The following SLC14A2 variants were observed in gnomAD, a reference collection of about 807,000 sequenced individuals.
SLC14A2 encodes the protein urea transporter 2.
Under a neutral mutation model 104.6 loss-of-function variants are expected in SLC14A2, and 91 were observed. The ratio of observed to expected loss-of-function variants is 0.87; its 90% CI spans 0.73 to 1.04. SLC14A2 has a LOEUF of 1.04. Ranked by LOEUF, SLC14A2 falls within the 50% of genes least tolerant of loss-of-function variation. SLC14A2 has a pLI of 0.00. For missense variants in SLC14A2, 1,189 were observed against 1,156.0 expected (o/e 1.03, Z -0.41); for synonymous variants, 476 against 466.4 (o/e 1.02, Z -0.27).
chr18:45,212,796 A>G (rs2083972764), upstream of SLC14A2, among the ~76,000 whole-genome samples: 1 of 152,078 alleles, frequency 6.6e-6, no homozygotes, highest in Non-Finnish European at 1.5e-5. Flanking sequence ...ACATACACTC[A>G]CTTTAGTCCG....
intron 1 of SLC14A2, among the ~76,000 whole-genome samples, chr18:45,351,526 G>A (rs1053956230): frequency 1.3e-5 from 2 of 151,958 alleles, no homozygotes; most frequent in Admixed American, 1.3e-4. Context: ...AGCTAATTTT[G>A]TTCATTTTTT....
intron 1 of SLC14A2, among the ~76,000 whole-genome samples, chr18:45,414,767 T>A (rs373182545): frequency 0.047 from 2,519 of 53,368 alleles, 264 homozygotes; most frequent in African/African-American, 0.15. Flanking sequence ...AATATATATA[T>A]ATATATATAT....
At chr18:45,235,386 T>TC (rs1171954471) in intron 1 of SLC14A2, among the ~76,000 whole-genome samples, 2 of 152,160 alleles carry the variant, frequency 1.3e-5, no homozygotes, top group Non-Finnish European at 2.9e-5. Context: ...AATTAGAATA[T>TC]CCATCACTTC....
chr18:45,286,710 C>T (rs2084817948), intron 1 of SLC14A2, among the ~76,000 whole-genome samples: 1 of 136,024 alleles, frequency 7.4e-6, no homozygotes, highest in Admixed American at 7.1e-5. Context: ...TCTCTCACTC[C>T]CCCCAACTTG....
chr18:45,484,492 T>TA (rs1271068230), intron 2 of SLC14A2, among the ~76,000 whole-genome samples: 2 of 152,246 alleles, frequency 1.3e-5, no homozygotes, highest in African/African-American at 4.8e-5. Flanking sequence ...GAGCAGGGAT[T>TA]AGTTAACTTA....
intron 1 of SLC14A2, among the ~76,000 whole-genome samples, chr18:45,251,878 G>T (rs536371958): frequency 6.2e-4 from 94 of 152,164 alleles, no homozygotes; most frequent in Non-Finnish European, 1.2e-3. Flanking sequence ...AGCAAATAGA[G>T]TATCTATGCA....
At chr18:45,655,987 A>G (rs1273681613) in intron 10 of SLC14A2, among the ~76,000 whole-genome samples, 1 of 152,222 alleles carries the variant, frequency 6.6e-6, no homozygotes, top group Non-Finnish European at 1.5e-5. Context: ...TAAGCCACTT[A>G]TCTCTGGGCC....
chr18:45,682,135 A>C (rs566675110), intron 19 of SLC14A2, among the ~76,000 whole-genome samples, 184 bp from the exon 20 acceptor site: 1 of 152,346 alleles, frequency 6.6e-6, no homozygotes, highest in South Asian at 2.1e-4. Context: ...AAAACTGTGC[A>C]TTCACCTGTT....
intron 1 of SLC14A2, among the ~76,000 whole-genome samples, chr18:45,254,441 A>G (rs2084455097): frequency 6.6e-6 from 1 of 152,182 alleles, no homozygotes; most frequent in Non-Finnish European, 1.5e-5. Flanking sequence ...TTTCCATCAC[A>G]TGAGCTGAGA....
At chr18:45,211,833 C>T (rs2083964216), upstream of SLC14A2, among the ~76,000 whole-genome samples, 1 of 152,150 alleles carries the variant, frequency 6.6e-6, no homozygotes, top group Non-Finnish European at 1.5e-5. Context: ...ATGACAAAAA[C>T]CATACCTGAG....
intron 1 of SLC14A2, among the ~76,000 whole-genome samples, chr18:45,469,374 A>G (rs1244480769): frequency 2.0e-5 from 3 of 152,218 alleles, no homozygotes; most frequent in Non-Finnish European, 4.4e-5. Flanking sequence ...AAGAAGATGG[A>G]TGCAAGGGCA....
intron 4 of SLC14A2, among the ~76,000 whole-genome samples, chr18:45,630,396 C>T (rs151220639): frequency 3.3e-5 from 5 of 152,286 alleles, no homozygotes; most frequent in Admixed American, 2.6e-4. Flanking sequence ...TGTCCCCACC[C>T]CCAATTCCCT....
intron 1 of SLC14A2, among the ~76,000 whole-genome samples, chr18:45,304,708 TGAG>T (rs1445733182): frequency 6.6e-6 from 1 of 152,152 alleles, no homozygotes; most frequent in Non-Finnish European, 1.5e-5. Flanking sequence ...CTCTGAGTGC[TGAG>T]GAGAGAGCAG....
intron 1 of SLC14A2, among the ~76,000 whole-genome samples, chr18:45,272,548 A>G (rs899273156): frequency 2.0e-5 from 3 of 152,026 alleles, no homozygotes; most frequent in African/African-American, 7.2e-5. Flanking sequence ...GATTTTTAGT[A>G]GTAGTACCCT....
At position 45,341,595 on chromosome 18, in the gene SLC14A2, C is replaced by CTT. The variant is rs376534367; in HGVS notation, c.-125+128430_-125+128431dup. Among the ~76,000 whole-genome samples the CTT allele has an allele frequency of 8.8e-4, 73 of 83,154 alleles. 5 individuals carry two copies. The highest frequency in any genetic ancestry group is 2.2e-3 in the African/African-American group (40 of 18,328). The allele number at this position is 83,154 out of a possible 152,430, so 54.6% of individuals were successfully genotyped here. ...AGTGTTGAAACACTGTCTAGTATTA[C>CTT]TTTTTTTTTTTTTTTTTTTTTTTTT... is the stretch of plus-strand genomic sequence containing the variant. On this transcript the variant is annotated intron_variant, in intron 1 of 20. Transcript: ENST00000586448.
intron 1 of SLC14A2, among the ~76,000 whole-genome samples, chr18:45,367,607 C>T (rs1479054236): frequency 6.6e-6 from 1 of 152,152 alleles, no homozygotes; most frequent in Non-Finnish European, 1.5e-5. Context: ...CAGAAGTGTG[C>T]CAGGGCTGGC....
In SLC14A2 at chr18:45,636,986, T is replaced by C. The variant is rs775680545; in HGVS notation, c.651-4T>C. 6.2e-7 allele frequency: 1 copy of C among 1,613,004 alleles called. No homozygotes were observed. ...GATTAACCCTCTGTCTCTTGCATCTTCAGCCCAGTTCTTTCTAGTGCCTTG... is the reference window on the plus strand; with the variant it reads ...GATTAACCCTCTGTCTCTTGCATCTCCAGCCCAGTTCTTTCTAGTGCCTTG... On this transcript the variant is annotated splice_polypyrimidine_tract_variant and splice_region_variant and intron_variant, in intron 5 of 19. Coordinates refer to ENST00000255226, the MANE Select transcript of SLC14A2 (RefSeq NM_007163.4).
At chr18:45,626,895 C>A in intron 3 of SLC14A2, 63 bp from the exon 4 acceptor site, 1 of 1,331,592 alleles carries the variant, frequency 7.5e-7, no homozygotes, top group Non-Finnish European at 1.0e-6. Flanking sequence ...GCCATGCCAA[C>A]CAGCAGTTCA....
the SLC14A2 span, among the ~76,000 whole-genome samples, chr18:45,172,789 C>A: frequency 1.3e-5 from 2 of 152,082 alleles, no homozygotes; most frequent in African/African-American, 4.8e-5. Flanking sequence ...TGATGGAAGT[C>A]AATTCATAAA....
Sources: gnomAD v4.1 joint callset for allele counts (sites outside exome capture counted in the v4.1 genomes callset) on GRCh38, gnomAD v4.1.1 for gene constraint, MANE v1.5 for transcripts, NCBI Gene and HGNC (gene_info 2026-07-23, HGNC 2026-07-21) for gene names.